The following AFAP1 variants were observed in gnomAD, a reference collection of about 807,000 sequenced individuals.
The protein encoded by AFAP1 is actin filament-associated protein 1.
Under a neutral mutation model 93.9 loss-of-function variants are expected in AFAP1, and 75 were observed. The ratio of observed to expected loss-of-function variants is 0.80; its 90% CI spans 0.66 to 0.97. The LOEUF (loss-of-function observed/expected upper bound fraction) is 0.97, where lower values mean the gene tolerates loss of function less well. Among genes scored for constraint, AFAP1 ranks in the 50% least tolerant of loss-of-function variants. The pLI is 0.00. For synonymous variants in AFAP1, 517 were observed against 430.7 expected (o/e 1.20, Z -2.48); for missense variants, 1,201 against 1,050.8 (o/e 1.14, Z -1.98).
At chr4:7,802,507 G>C (rs1328477336) in intron 9 of AFAP1, among the ~76,000 whole-genome samples, 3 of 152,218 alleles carry the variant, frequency 2.0e-5, no homozygotes, top group East Asian at 3.8e-4. Context: ...AGCAAAGCAA[G>C]ACCTGAACCC....
chr4:7,765,672 G>A (rs1308146198), intron 17 of AFAP1, among the ~76,000 whole-genome samples: 1 of 152,234 alleles, frequency 6.6e-6, no homozygotes, highest in Non-Finnish European at 1.5e-5. Flanking sequence ...CAGAGCAGCG[G>A]CAGACACCAT....
intron 6 of AFAP1, among the ~76,000 whole-genome samples, chr4:7,832,188 C>G (rs1220739112): frequency 6.6e-6 from 1 of 152,086 alleles, no homozygotes; most frequent in Non-Finnish European, 1.5e-5. Context: ...ATTAAAGTTC[C>G]ATGCTGGGAA....
chr4:7,860,004 A>G (rs1328555944), intron 3 of AFAP1, among the ~76,000 whole-genome samples: 1 of 152,060 alleles, frequency 6.6e-6, no homozygotes, highest in Non-Finnish European at 1.5e-5. Context: ...TTAGCCAGGC[A>G]TGATGGTGCA....
intron 1 of AFAP1, among the ~76,000 whole-genome samples, chr4:7,929,109 A>G (rs945509263): frequency 1.3e-5 from 2 of 152,238 alleles, no homozygotes; most frequent in Admixed American, 6.5e-5. Flanking sequence ...TACATTTCTC[A>G]TGCAGGGCAC....
chr4:7,886,510 T>G (rs549062679), intron 1 of AFAP1, among the ~76,000 whole-genome samples: 2 of 152,344 alleles, frequency 1.3e-5, no homozygotes, highest in Admixed American at 6.5e-5. Context: ...GTGTATATTC[T>G]AGGTCCTGGG....
intron 3 of AFAP1, among the ~76,000 whole-genome samples, 159 bp from the exon 4 acceptor site, chr4:7,855,733 C>T (rs111386408): frequency 0.026 from 4,000 of 152,300 alleles, 89 homozygotes; most frequent in Admixed American, 0.077. Context: ...AAGGCCAGCC[C>T]TGATGTGTCT....
rs2148933141 is a variant in AFAP1, at chr4:7,763,328, C to T, written c.*437G>A. ...GGGCGTGCAAGGCGAGCCCAGTGCC[C>T]ATGGCCAGCCACACTCATGCCCGGG... On this transcript the variant is annotated 3_prime_UTR_variant, in exon 18 of 18. Coordinates refer to ENST00000420658, the MANE Select transcript of AFAP1 (RefSeq NM_001134647.2). The T allele has an allele frequency of 5.5e-6, 1 of 182,226 alleles. No individual in the cohort carries two copies. Among genetic ancestry groups the T allele is most frequent in the South Asian group, 1.3e-4 (1 of 7,896 alleles). 11.3% of individuals were successfully genotyped at this position (182,226 alleles called of 1,614,324 possible).
At chr4:7,811,641 G>A (rs888336624) in intron 8 of AFAP1, among the ~76,000 whole-genome samples, 102 of 152,096 alleles carry the variant, frequency 6.7e-4, no homozygotes, top group African/African-American at 2.4e-3. Context: ...TATAGCGTTA[G>A]TGCCCTTCTA....
chr4:7,855,515 C>T lies in AFAP1; in HGVS notation c.285G>A (p.Glu95=), dbSNP rs763013785. 3 of 1,613,796 alleles carry T rather than the reference C, an allele frequency of 1.9e-6. No individual in the cohort carries two copies. The highest frequency in any genetic ancestry group is 2.5e-6 in the Non-Finnish European group (3 of 1,179,936). ...PTSSLPEGYY[E]EAVPLSPGKA... is the part of the protein sequence containing the mutation. ...TTCCGGGGCTCAGCGGCACAGCTTC[C>T]TCATAATAACCTTCTGGGAGGGAGG... Residue 95 remains glutamate, a synonymous_variant, in exon 4 of 18, where the codon GAG becomes GAA. Transcript: ENST00000420658.
intron 8 of AFAP1, among the ~76,000 whole-genome samples, chr4:7,813,815 C>T (rs1391048617): frequency 8.5e-5 from 13 of 152,108 alleles, no homozygotes; most frequent in Non-Finnish European, 1.9e-4. Context: ...TCTGTAATGT[C>T]ATAACAGTCC....
chr4:7,788,814 C>G (rs1188791066), intron 11 of AFAP1: 2 of 152,186 alleles, frequency 1.3e-5, no homozygotes, highest in Non-Finnish European at 2.9e-5. Flanking sequence ...TGCCCTGGGC[C>G]GTACTGCCTT....
In AFAP1 at chr4:7,779,010, A is replaced by C. The variant is rs375557116; in HGVS notation, c.1783-134T>G. 1.1e-4 allele frequency: 74 copies of C among 678,178 alleles called. 1 individual carries two copies. The South Asian group carries it at 1.4e-3, about 13-fold the overall frequency. The allele number at this position is 678,178 out of a possible 1,614,324, so 42.0% of individuals were successfully genotyped here. On this transcript the variant is annotated intron_variant, in intron 13 of 17. Transcript: ENST00000420658. ...CTGGCATAGATGGAGGAAAAATCGA[A>C]AGTGAAAGAAAACCAAGATGGTTTC...
chr4:7,827,690 A>G (rs1721558025), intron 6 of AFAP1, among the ~76,000 whole-genome samples: 2 of 151,598 alleles, frequency 1.3e-5, no homozygotes, highest in Admixed American at 6.6e-5. Context: ...AGCACAACCA[A>G]CCCTGAGAAA....
rs551856461 is a variant in AFAP1 at position 7,763,947 on chromosome 4, TAGGTATTCACCTATC to T, written c.2419-171_2419-157del. 3.8e-3 allele frequency among the ~76,000 whole-genome samples: 577 copies of T among 152,292 alleles called. 5 individuals are homozygous for T. The highest frequency in any genetic ancestry group is 0.013 in the African/African-American group (552 of 41,550). ...ACCAATGACCCGGCAATTCCACTGC[TAGGTATTCACCTATC>T]AGAATGGAGAGCATGGTCTCCAGCA... is the stretch of plus-strand genomic sequence containing the variant. On this transcript the variant is annotated intron_variant, in intron 17 of 17. Coordinates refer to ENST00000420658, the MANE Select transcript of AFAP1 (RefSeq NM_001134647.2).
At position 7,873,428 on chromosome 4, in the gene AFAP1, A is replaced by G. The variant is rs559811282; in HGVS notation, c.-2-1348T>C. Among the ~76,000 whole-genome samples the G allele has an allele frequency of 1.5e-4, 19 of 130,588 alleles. No homozygotes were observed. In the East Asian group the frequency reaches 5.0e-3, roughly 35 times the overall value. The allele number at this position is 130,588 out of a possible 152,430, so 85.7% of individuals were successfully genotyped here. A position where few individuals can be genotyped will look rare whatever the true frequency, so the allele number is the denominator to read the frequency against. ...CAGTGGCACGATCTGGGCTCACTGA[A>G]AGCTCCGCCTCCTGGGTTCATGCCA... On this transcript the variant is annotated intron_variant, in intron 1 of 17. Transcript: ENST00000420658.
intron 6 of AFAP1, among the ~76,000 whole-genome samples, chr4:7,834,529 C>CA (rs923612024): frequency 5.9e-5 from 9 of 151,822 alleles, no homozygotes; most frequent in Middle Eastern, 3.4e-3. Flanking sequence ...AAATTTTTTT[C>CA]AAAAAAAAGC....
At chr4:7,806,550 G>C (rs113033109) in intron 9 of AFAP1, among the ~76,000 whole-genome samples, 12 of 152,348 alleles carry the variant, frequency 7.9e-5, no homozygotes, top group African/African-American at 2.2e-4. Context: ...CTGGAACAGA[G>C]AGCAGCAGCT....
At chr4:7,770,577 A>G (rs995513673) in intron 16 of AFAP1, among the ~76,000 whole-genome samples, 7 of 152,214 alleles carry the variant, frequency 4.6e-5, no homozygotes, top group Admixed American at 1.3e-4. Flanking sequence ...GAGGCCAGGC[A>G]GAACCTTCTT....
intron 8 of AFAP1, among the ~76,000 whole-genome samples, chr4:7,810,261 G>A (rs188867148): frequency 1.3e-5 from 2 of 152,228 alleles, no homozygotes; most frequent in Non-Finnish European, 2.9e-5. Flanking sequence ...TAGGAAGCTT[G>A]TAACAAGGAC....
Sources: gnomAD v4.1 joint callset for allele counts (sites outside exome capture counted in the v4.1 genomes callset) on GRCh38, gnomAD v4.1.1 for gene constraint, MANE v1.5 for transcripts, NCBI Gene and HGNC (gene_info 2026-07-23, HGNC 2026-07-21) for gene names.